NDST3: variants seen among roughly 807,000 people sequenced by gnomAD.
The protein encoded by NDST3 is N-deacetylase and N-sulfotransferase 3, also known as bifunctional heparan sulfate N-deacetylase/N-sulfotransferase 3.
Under a neutral mutation model 96.1 loss-of-function variants are expected in NDST3, and 58 were observed. That is an observed-to-expected ratio of 0.60 (90% confidence interval 0.49 to 0.75). The LOEUF (loss-of-function observed/expected upper bound fraction) is 0.75, where lower values mean the gene tolerates loss of function less well. NDST3 is among the 30% of genes least tolerant of loss of function. NDST3 has a pLI of 0.00. For synonymous variants in NDST3, 333 were observed against 359.7 expected, an observed-to-expected ratio of 0.93 and a Z score of 0.84; for missense variants, 788 against 1,034.2, an observed-to-expected ratio of 0.76 and a Z score of 3.27.
rs1733001816 is a variant in NDST3 at position 118,135,496 on chromosome 4, C to T, written c.1225-2558C>T. 2.6e-5 allele frequency among the ~76,000 whole-genome samples: 4 copies of T among 152,142 alleles called. No individual in the cohort carries two copies. The South Asian group carries it at 8.3e-4, about 32-fold the overall frequency. On this transcript the variant is annotated intron_variant, in intron 4 of 13. Transcript: ENST00000296499. ...TTTTAAAAATCCATTAAATGCATAT[C>T]ATGTTTCCAGAACTATACTATCTTC... is the stretch of plus-strand genomic sequence containing the variant.
chr4:118,120,580 AT>A (rs1188234787), intron 4 of NDST3, among the ~76,000 whole-genome samples: 1 of 152,150 alleles, frequency 6.6e-6, no homozygotes, highest in Admixed American at 6.5e-5. Flanking sequence ...CTTGATTTAC[AT>A]TTGAGAGTGC....
chr4:118,194,584 G>A (rs1487421119), intron 6 of NDST3: 3 of 728,898 alleles, frequency 4.1e-6, no homozygotes, highest in Non-Finnish European at 7.7e-6. Context: ...GCCAGCCAGT[G>A]TAGTGGACAA....
At chr4:118,159,198 T>A (rs1734921741) in intron 6 of NDST3, among the ~76,000 whole-genome samples, 1 of 152,224 alleles carries the variant, frequency 6.6e-6, no homozygotes. Context: ...TTATCTTATC[T>A]GTCTCCAAGT....
intron 4 of NDST3, among the ~76,000 whole-genome samples, chr4:118,129,330 A>T (rs776340134): frequency 6.6e-6 from 1 of 151,906 alleles, no homozygotes; most frequent in Non-Finnish European, 1.5e-5. Flanking sequence ...TACAGCTATA[A>T]ACTTTCCTCT....
rs373328796 is a variant in NDST3 at position 118,110,183 on chromosome 4, C to T, written c.1070-4623C>T. On this transcript the variant is annotated intron_variant, in intron 3 of 13. Coordinates refer to ENST00000296499, the MANE Select transcript of NDST3 (RefSeq NM_004784.3). ...TAGATTTGTTAGCTTTTTATGTTTC[C>T]CCAAATCACTGAGATCCAGTAGTAC... Among the ~76,000 whole-genome samples the T allele has an allele frequency of 7.2e-5, 11 of 152,144 alleles. No individual in the cohort carries two copies. The East Asian group carries it at 7.7e-4, about 11-fold the overall frequency.
chr4:118,098,951 G>C (rs1729559271), intron 2 of NDST3, among the ~76,000 whole-genome samples: 1 of 152,032 alleles, frequency 6.6e-6, no homozygotes, highest in African/African-American at 2.4e-5. Context: ...GAAAGTAATG[G>C]AACATGGAAT....
At chr4:118,184,092 T>C (rs923400142) in intron 6 of NDST3, among the ~76,000 whole-genome samples, 1 of 152,158 alleles carries the variant, frequency 6.6e-6, no homozygotes, top group Non-Finnish European at 1.5e-5. Context: ...AGCAAAATAA[T>C]GTCAAAAAAC....
chr4:118,096,659 GTAGA>G (rs56067967), intron 2 of NDST3, among the ~76,000 whole-genome samples: 44,445 of 144,686 alleles, frequency 0.31, 7,007 homozygotes, highest in Middle Eastern at 0.39. Context: ...TATGGCTAGA[GTAGA>G]TAGATAGATA....
At chr4:118,071,071 T>C (rs1727029588) in intron 2 of NDST3, among the ~76,000 whole-genome samples, 1 of 152,104 alleles carries the variant, frequency 6.6e-6, no homozygotes. Context: ...TTTTTATGGC[T>C]GCATAGTATT....
intron 4 of NDST3, among the ~76,000 whole-genome samples, chr4:118,135,795 T>G (rs756234434): frequency 2.0e-5 from 3 of 152,300 alleles, no homozygotes; most frequent in Middle Eastern, 3.4e-3. Context: ...GGAGGATTGC[T>G]TGAGCCCAGG....
At chr4:118,108,386 T>A (rs1730376357) in intron 3 of NDST3, among the ~76,000 whole-genome samples, 1 of 152,238 alleles carries the variant, frequency 6.6e-6, no homozygotes, top group African/African-American at 2.4e-5. Flanking sequence ...AGTAATTTTT[T>A]AAAGTGATAT....
At chr4:118,061,868 G>A (rs563185829) in intron 2 of NDST3, among the ~76,000 whole-genome samples, 48 of 152,244 alleles carry the variant, frequency 3.2e-4, no homozygotes, top group South Asian at 8.3e-4. Context: ...GCAGCCTCCC[G>A]AGCCAGAGTA....
At chr4:118,071,794 A>C (rs977562660) in intron 2 of NDST3, among the ~76,000 whole-genome samples, 4 of 152,090 alleles carry the variant, frequency 2.6e-5, no homozygotes, top group Non-Finnish European at 5.9e-5. Context: ...ATACGGTTGC[A>C]ATGGTAGTTC....
intron 4 of NDST3, among the ~76,000 whole-genome samples, chr4:118,118,315 G>A (rs1245438902): frequency 6.6e-6 from 1 of 152,206 alleles, no homozygotes; most frequent in Non-Finnish European, 1.5e-5. Context: ...GCAAATAGGT[G>A]TTCAAACAAG....
chr4:118,194,250 T>G (rs961322820), intron 6 of NDST3: 2 of 724,674 alleles, frequency 2.8e-6, no homozygotes, highest in African/African-American at 3.5e-5. Context: ...ATCTCCATGA[T>G]AGCACCCTCA....
intron 6 of NDST3, among the ~76,000 whole-genome samples, chr4:118,153,824 A>AAAT (rs745796435): frequency 1.4e-4 from 21 of 151,940 alleles, no homozygotes; most frequent in Admixed American, 3.9e-4. Context: ...ACTCCATCTA[A>AAAT]AATAATAATA....
At position 118,079,645 on chromosome 4, in the gene NDST3, C is replaced by G. The variant is rs111516018; in HGVS notation, c.981+24754C>G. Among the ~76,000 whole-genome samples, 78 of 152,188 alleles carry G rather than the reference C, an allele frequency of 5.1e-4. 2 individuals are homozygous for G. Among genetic ancestry groups the G allele is most frequent in the African/African-American group, 1.7e-3 (70 of 41,536 alleles). ...CATGGAGAGGAATTTGGATTCTATT[C>G]TGATTTCAGGGAGCAGCCATTGGAT... On this transcript the variant is annotated intron_variant, in intron 2 of 13. Coordinates refer to ENST00000296499, the MANE Select transcript of NDST3 (RefSeq NM_004784.3).
intron 3 of NDST3, among the ~76,000 whole-genome samples, chr4:118,113,776 A>T (rs914006971): frequency 6.6e-6 from 1 of 152,170 alleles, no homozygotes. Context: ...CATCATAGGA[A>T]GAACCCACTA....
chr4:118,150,980 A>G (rs1174374011), intron 6 of NDST3, among the ~76,000 whole-genome samples: 1 of 151,536 alleles, frequency 6.6e-6, no homozygotes, highest in African/African-American at 2.4e-5. Context: ...AAGACTTGGA[A>G]CCAACCCAAA....
Sources: gnomAD v4.1 joint callset for allele counts (sites outside exome capture counted in the v4.1 genomes callset) on GRCh38, gnomAD v4.1.1 for gene constraint, MANE v1.5 for transcripts, NCBI Gene and HGNC (gene_info 2026-07-23, HGNC 2026-07-21) for gene names.